The following HECW2 variants were observed in gnomAD, a reference collection of about 807,000 sequenced individuals.
HECW2 encodes E3 ubiquitin-protein ligase HECW2.
HECW2 carries 61 observed loss-of-function variants against 175.2 expected under a neutral mutation model. The observed-to-expected ratio is 0.35, with a 90% CI of 0.28 to 0.43. The LOEUF (loss-of-function observed/expected upper bound fraction) is 0.43, where lower values mean the gene tolerates loss of function less well. Among genes scored for constraint, HECW2 ranks in the 20% least tolerant of loss-of-function variants. The probability of loss-of-function intolerance (pLI) is 1.00; values close to 1 mark genes in which losing one functional copy is unlikely to be tolerated. For missense variants in HECW2, 1,524 were observed against 2,000.5 expected (o/e 0.76, Z 4.54); for synonymous variants, 671 against 731.0 (o/e 0.92, Z 1.32).
In HECW2 at chr2:196,396,365, C is replaced by A. The variant is rs143008084; in HGVS notation, c.292+36767G>T. On this transcript the variant is annotated intron_variant, in intron 2 of 28. Transcript: ENST00000644978. ...CACATATAATCAATTCCCAGGATCT[C>A]TTTACAAAATGATGAATGCAAATAT... is the stretch of plus-strand genomic sequence containing the variant. 4.3e-3 allele frequency among the ~76,000 whole-genome samples: 658 copies of A among 152,286 alleles called. 2 individuals are homozygous for A. The highest frequency in any genetic ancestry group is 7.0e-3 in the Non-Finnish European group (473 of 68,020).
chr2:196,315,256 T>C (rs1431817478), intron 10 of HECW2, among the ~76,000 whole-genome samples: 2 of 152,104 alleles, frequency 1.3e-5, no homozygotes, highest in African/African-American at 4.8e-5. Flanking sequence ...AAATTCTGTT[T>C]ATATTTTACA....
intron 7 of HECW2, 130 bp downstream of exon 7, chr2:196,322,348 C>G (rs1691978543): frequency 1.5e-6 from 1 of 654,750 alleles, no homozygotes; most frequent in Admixed American, 3.2e-5. Flanking sequence ...TGTAAGGACA[C>G]TTTTATTTTT....
intron 1 of HECW2, among the ~76,000 whole-genome samples, chr2:196,461,723 G>C: frequency 6.6e-6 from 1 of 152,222 alleles, no homozygotes; most frequent in East Asian, 1.9e-4. Flanking sequence ...ATGAATGCAG[G>C]AGGAACCACC....
At chr2:196,369,790 C>G (rs1209473145) in intron 2 of HECW2, among the ~76,000 whole-genome samples, 1 of 151,900 alleles carries the variant, frequency 6.6e-6, no homozygotes, top group East Asian at 1.9e-4. Flanking sequence ...GGCATTTCTC[C>G]CTATGGCCAC....
At chr2:196,306,397 G>A (rs149444520) in intron 13 of HECW2, 91 bp downstream of exon 13, 5 of 1,268,650 alleles carry the variant, frequency 3.9e-6, no homozygotes, top group African/African-American at 3.0e-5. Flanking sequence ...GGAAACATTC[G>A]CCATTATCAT....
At chr2:196,265,940 A>T (rs916383980) in intron 17 of HECW2, among the ~76,000 whole-genome samples, 1 of 152,186 alleles carries the variant, frequency 6.6e-6, no homozygotes, top group Non-Finnish European at 1.5e-5. Flanking sequence ...GCTATACTCA[A>T]CTACCTTCTA....
At chr2:196,575,684 T>C (rs1690536486) in intron 1 of HECW2, among the ~76,000 whole-genome samples, 1 of 152,178 alleles carries the variant, frequency 6.6e-6, no homozygotes, top group Non-Finnish European at 1.5e-5. Flanking sequence ...GGGTAATTTA[T>C]AAAGAAAATA....
chr2:196,242,364 C>T (rs1355345973), intron 19 of HECW2, 160 bp from the exon 20 acceptor site: 2 of 831,792 alleles, frequency 2.4e-6, no homozygotes, highest in Admixed American at 6.0e-5. Flanking sequence ...TATAACAAAC[C>T]TCAACCAAGG....
At chr2:196,399,748 GATA>G (rs1210421403) in intron 2 of HECW2, among the ~76,000 whole-genome samples, 99 of 152,340 alleles carry the variant, frequency 6.5e-4, no homozygotes, top group African/African-American at 2.2e-3. Flanking sequence ...AGGACTGACA[GATA>G]GAACCGTAGG....
At chr2:196,437,006 G>C (rs908768652) in intron 1 of HECW2, among the ~76,000 whole-genome samples, 1 of 152,020 alleles carries the variant, frequency 6.6e-6, no homozygotes, top group African/African-American at 2.4e-5. Flanking sequence ...CAGGTATCTC[G>C]AGTAAGCCCT....
At chr2:196,227,618 A>G (rs1261155088) in intron 22 of HECW2, among the ~76,000 whole-genome samples, 1 of 152,138 alleles carries the variant, frequency 6.6e-6, no homozygotes, top group Non-Finnish European at 1.5e-5. Flanking sequence ...CATCATTACC[A>G]GAGTTGAGAG....
At chr2:196,537,781 C>T (rs1175519856) in intron 1 of HECW2, among the ~76,000 whole-genome samples, 1 of 152,174 alleles carries the variant, frequency 6.6e-6, no homozygotes, top group Non-Finnish European at 1.5e-5. Flanking sequence ...AGAACAAAGG[C>T]ATTCCCAATT....
At chr2:196,317,170 G>A (rs1172071289) in intron 10 of HECW2, 104 bp downstream of exon 10, 27 of 881,332 alleles carry the variant, frequency 3.1e-5, no homozygotes, top group Non-Finnish European at 4.8e-5. Flanking sequence ...GATTCCTTCC[G>A]CTTGAAGACC....
chr2:196,412,720 C>G (rs1695148749), intron 2 of HECW2, among the ~76,000 whole-genome samples: 1 of 152,188 alleles, frequency 6.6e-6, no homozygotes, highest in Non-Finnish European at 1.5e-5. Context: ...CATCTTTGCT[C>G]TTTTTACTTA....
At chr2:196,571,087 G>T (rs1690368373) in intron 1 of HECW2, among the ~76,000 whole-genome samples, 1 of 152,096 alleles carries the variant, frequency 6.6e-6, no homozygotes, top group Non-Finnish European at 1.5e-5. Context: ...TGTGTTAATT[G>T]CTTATTCAAA....
intron 2 of HECW2, among the ~76,000 whole-genome samples, chr2:196,352,349 G>A (rs527640232): frequency 6.6e-6 from 1 of 152,192 alleles, no homozygotes; most frequent in East Asian, 1.9e-4. Context: ...TTACTGGGTA[G>A]AAAAAAACAA....
At chr2:196,568,675 A>G (rs948213576) in intron 1 of HECW2, among the ~76,000 whole-genome samples, 1 of 152,184 alleles carries the variant, frequency 6.6e-6, no homozygotes, top group African/African-American at 2.4e-5. Flanking sequence ...ATACAATGTG[A>G]TACTCTTGCA....
At chr2:196,394,144 T>C (rs991100028) in intron 2 of HECW2, among the ~76,000 whole-genome samples, 5 of 133,620 alleles carry the variant, frequency 3.7e-5, no homozygotes, top group Admixed American at 1.5e-4. Flanking sequence ...CTGGGGCCTG[T>C]CCGGGGGTGA....
chr2:196,328,758 G>A (rs1280872228), intron 5 of HECW2, among the ~76,000 whole-genome samples: 3 of 152,108 alleles, frequency 2.0e-5, no homozygotes, highest in Non-Finnish European at 2.9e-5. Context: ...ATAGTTATCT[G>A]TTTTAAAAGT....
Sources: gnomAD v4.1 joint callset for allele counts (sites outside exome capture counted in the v4.1 genomes callset) on GRCh38, gnomAD v4.1.1 for gene constraint, MANE v1.5 for transcripts, NCBI Gene and HGNC (gene_info 2026-07-23, HGNC 2026-07-21) for gene names.